The following VPS13B variants were observed in gnomAD, a reference collection of about 807,000 sequenced individuals.
The protein encoded by VPS13B is vacuolar protein sorting 13 homolog B.
VPS13B carries 285 observed loss-of-function variants against 426.4 expected under a neutral mutation model. That is an observed-to-expected ratio of 0.67 (90% CI 0.61 to 0.74). The LOEUF (loss-of-function observed/expected upper bound fraction) is 0.74, where lower values mean the gene tolerates loss of function less well. Ranked by LOEUF, VPS13B falls within the 30% of genes least tolerant of loss-of-function variation. VPS13B has a pLI of 0.00. For synonymous variants in VPS13B, 1,676 were observed against 1,676.4 expected (o/e 1.00, Z 0.01); for missense variants, 4,537 against 4,782.6 (o/e 0.95, Z 1.51).
chr8:99,156,439 ATTGAT>A lies in VPS13B; in HGVS notation c.2014-104_2014-100del, dbSNP rs1811368597. 4.0e-6 allele frequency: 4 copies of A among 1,007,198 alleles called. No homozygotes were observed. The Admixed American group carries it at 7.9e-5, about 20-fold the overall frequency. The allele number at this position is 1,007,198 out of a possible 1,614,324, so 62.4% of individuals were successfully genotyped here. ...TTCTGTAGAAAGGCATCATTTCTAG[ATTGAT>A]TTGATATCACTGCAAATGTGCAGAT... On this transcript the variant is annotated intron_variant, in intron 14 of 61. Transcript: ENST00000357162.
At chr8:99,306,715 C>G (rs1002218974) in intron 19 of VPS13B, among the ~76,000 whole-genome samples, 1 of 151,974 alleles carries the variant, frequency 6.6e-6, no homozygotes. Context: ...GATCATCAGC[C>G]AGTTTGTCTT....
chr8:99,343,229 C>G (rs186026922), intron 19 of VPS13B, among the ~76,000 whole-genome samples: 1 of 151,634 alleles, frequency 6.6e-6, no homozygotes, highest in Non-Finnish European at 1.5e-5. Flanking sequence ...GAGTAGCTGG[C>G]ACTACAGGCA....
intron 33 of VPS13B, among the ~76,000 whole-genome samples, chr8:99,595,153 T>C (rs1179637938): frequency 6.6e-6 from 1 of 151,970 alleles, no homozygotes; most frequent in Non-Finnish European, 1.5e-5. Flanking sequence ...TTGAGTGCCC[T>C]ATATTTTTTT....
At chr8:99,374,107 A>G (rs974891208) in intron 19 of VPS13B, among the ~76,000 whole-genome samples, 1 of 151,582 alleles carries the variant, frequency 6.6e-6, no homozygotes, top group Non-Finnish European at 1.5e-5. Flanking sequence ...TCTGGCCACC[A>G]TTATTTCTGA....
rs116951775 is a variant in VPS13B, at chr8:99,121,326, G to A, written c.1087G>A (p.Glu363Lys). The part of the protein sequence containing the change: ...VPAIVSYDDG[E>K]EDFVGNDPAS... ...TGCAATTGTGAGTTATGACGATGGC[G>A]AGGAAGACTTTGTTGGGAACGATCC... The change falls in exon 8 of 62, where the codon GAG becomes AAG. Residue 363 changes from glutamate (E) to lysine (K), a missense_variant. By Grantham distance (56) the Glu-to-Lys change is moderately conservative. Around this residue, in one of 2 missense-constraint regions of VPS13B, gnomAD observed 4,311 missense variants for 4,474.3 expected, o/e 0.96. Transcript: ENST00000357162. 3.5e-5 allele frequency: 56 copies of A among 1,614,120 alleles called. No homozygotes were observed. In the East Asian group the frequency reaches 4.0e-4, roughly 12 times the overall value.
At chr8:99,666,373 C>G (rs1032222516) in intron 35 of VPS13B, among the ~76,000 whole-genome samples, 6 of 152,090 alleles carry the variant, frequency 3.9e-5, no homozygotes, top group African/African-American at 1.4e-4. Flanking sequence ...AATTTTACAC[C>G]AATATCCTTG....
chr8:99,041,412 A>C (rs563839269), intron 3 of VPS13B, among the ~76,000 whole-genome samples: 130 of 152,332 alleles, frequency 8.5e-4, no homozygotes, highest in Non-Finnish European at 1.5e-3. Flanking sequence ...GAGCTAAAAC[A>C]TTATCAGTAA....
At position 99,378,060 on chromosome 8, in the gene VPS13B, C is replaced by T. The variant is rs1312601212; in HGVS notation, c.2825-6148C>T. Among the ~76,000 whole-genome samples, 3 of 149,512 alleles carry T rather than the reference C, an allele frequency of 2.0e-5. No homozygotes were observed. In the Admixed American group the frequency reaches 2.1e-4, roughly 10 times the overall value. On this transcript the variant is annotated intron_variant, in intron 19 of 61. Transcript: ENST00000357162. ...AATCCTAGCAAGCCTGGGGGCGCTG[C>T]AGGAGGCCAGGACGTGTTTCATCCC...
At chr8:99,461,259 C>G (rs1420696986) in intron 23 of VPS13B, among the ~76,000 whole-genome samples, 1 of 151,934 alleles carries the variant, frequency 6.6e-6, no homozygotes, top group African/African-American at 2.4e-5. Context: ...ATGACCTATG[C>G]AGAAAGAATT....
In VPS13B at chr8:99,016,327, G is replaced by A. The variant is rs536237136; in HGVS notation, c.147+2392G>A. On this transcript the variant is annotated intron_variant, in intron 2 of 61. Transcript: ENST00000357162. ...TTCCAAAGTGGTTATATCAATTCCAGTCTTACCAACAACTTATAAGCATTC... is the reference window on the plus strand; with the variant it reads ...TTCCAAAGTGGTTATATCAATTCCAATCTTACCAACAACTTATAAGCATTC... Among the ~76,000 whole-genome samples the A allele has an allele frequency of 3.3e-5, 5 of 152,208 alleles. No individual in the cohort carries two copies. In the East Asian group the frequency reaches 9.6e-4, roughly 29 times the overall value.
intron 25 of VPS13B, among the ~76,000 whole-genome samples, chr8:99,491,417 G>A (rs549339502): frequency 6.6e-6 from 1 of 152,276 alleles, no homozygotes; most frequent in South Asian, 2.1e-4. Flanking sequence ...TGCTTTGCTA[G>A]ACTGGGGAAG....
chr8:99,875,290 T>C (rs755465060), intron 61 of VPS13B, 128 bp from the exon 62 acceptor site: 116 of 1,305,754 alleles, frequency 8.9e-5, no homozygotes, highest in Non-Finnish European at 1.2e-4. Flanking sequence ...GGAAACATTC[T>C]GGATTAATGG....
intron 30 of VPS13B, among the ~76,000 whole-genome samples, chr8:99,525,481 T>C (rs1274195200): frequency 1.3e-5 from 2 of 152,218 alleles, no homozygotes; most frequent in Admixed American, 1.3e-4. Context: ...AGAACAGACC[T>C]AGGATCATTA....
In VPS13B at chr8:99,811,101, C is replaced by T. The variant is rs562647195; in HGVS notation, c.8097+1571C>T. On this transcript the variant is annotated intron_variant, in intron 44 of 61. Coordinates refer to ENST00000357162, the MANE Select transcript of VPS13B (RefSeq NM_152564.5). ...CTTTCAAGAATGTCTTACCCACCTT[C>T]CCATTGAGTAATATGTCTGAGAAAA... Among the ~76,000 whole-genome samples the T allele has an allele frequency of 2.6e-5, 4 of 152,280 alleles. No homozygotes were observed. The East Asian group carries it at 5.8e-4, about 22-fold the overall frequency.
intron 19 of VPS13B, among the ~76,000 whole-genome samples, chr8:99,309,721 A>T (rs1453869508): frequency 6.6e-6 from 1 of 152,158 alleles, no homozygotes; most frequent in East Asian, 1.9e-4. Context: ...CTATGGAGAA[A>T]GTCATCCGTA....
intron 34 of VPS13B, 44 bp from the exon 35 acceptor site, chr8:99,661,310 T>G: frequency 3.7e-6 from 6 of 1,611,192 alleles, no homozygotes; most frequent in Non-Finnish European, 5.1e-6. Flanking sequence ...AATGAGATAT[T>G]TGTGATGTAA....
At chr8:99,597,752 G>A (rs921569994) in intron 33 of VPS13B, among the ~76,000 whole-genome samples, 2 of 151,946 alleles carry the variant, frequency 1.3e-5, no homozygotes, top group Non-Finnish European at 2.9e-5. Context: ...TAGGTTATGT[G>A]AGCAAAATAA....
At chr8:99,737,583 A>G (rs1833897426) in intron 39 of VPS13B, among the ~76,000 whole-genome samples, 1 of 152,126 alleles carries the variant, frequency 6.6e-6, no homozygotes, top group Non-Finnish European at 1.5e-5. Flanking sequence ...TTTCTATTTC[A>G]TTACCTGTAC....
intron 30 of VPS13B, among the ~76,000 whole-genome samples, chr8:99,524,141 C>T (rs1197453407): frequency 6.6e-6 from 1 of 151,618 alleles, no homozygotes; most frequent in African/African-American, 2.4e-5. Flanking sequence ...ATTGATCAAG[C>T]AGAAGAAAGA....
Sources: gnomAD v4.1 joint callset for allele counts (sites outside exome capture counted in the v4.1 genomes callset) on GRCh38, gnomAD v4.1.1 for gene constraint, gnomAD v4.1.1 regional missense constraint, MANE v1.5 for transcripts, NCBI Gene and HGNC (gene_info 2026-07-23, HGNC 2026-07-21) for gene names.